SGCD: variants seen among roughly 807,000 people sequenced by gnomAD.
SGCD encodes delta-sarcoglycan.
A neutral mutation model predicts 36.6 loss-of-function variants in SGCD; 18 were observed. The ratio of observed to expected loss-of-function variants is 0.49; its 90% CI spans 0.34 to 0.73. The LOEUF is 0.73. Among genes scored for constraint, SGCD ranks in the 30% least tolerant of loss-of-function variants. SGCD has a pLI of 0.01. For synonymous variants in SGCD, 133 were observed against 130.6 expected, an observed-to-expected ratio of 1.02 and a Z score of -0.12; for missense variants, 387 against 346.7, an observed-to-expected ratio of 1.12 and a Z score of -0.92.
chr5:156,262,011 A>T (rs1158461150), intron 3 of SGCD, among the ~76,000 whole-genome samples: 1 of 152,218 alleles, frequency 6.6e-6, no homozygotes, highest in Non-Finnish European at 1.5e-5. Context: ...TTAAAAAATT[A>T]AAAAGTTTGT....
chr5:155,754,981 G>A, the SGCD span, among the ~76,000 whole-genome samples: 1 of 152,124 alleles, frequency 6.6e-6, no homozygotes, highest in Admixed American at 6.6e-5. Flanking sequence ...AAAGAAATGG[G>A]TGACGCACCC....
chr5:156,166,022 C>G (rs998468224), intron 3 of SGCD, among the ~76,000 whole-genome samples: 1 of 152,164 alleles, frequency 6.6e-6, no homozygotes, highest in South Asian at 2.1e-4. Flanking sequence ...AACTGTTCCT[C>G]TAGTATCTGC....
chr5:156,650,565 C>T (rs967475820), intron 7 of SGCD, among the ~76,000 whole-genome samples: 3 of 152,088 alleles, frequency 2.0e-5, no homozygotes, highest in Non-Finnish European at 4.4e-5. Context: ...TGCTCAGCTC[C>T]CACTTATTAG....
chr5:155,845,258 A>G, the SGCD span, among the ~76,000 whole-genome samples: 24 of 152,152 alleles, frequency 1.6e-4, no homozygotes, highest in Non-Finnish European at 3.2e-4. Flanking sequence ...TATAGTAATT[A>G]CTACCAAATT....
At chr5:156,504,451 T>C (rs1235525639) in intron 3 of SGCD, among the ~76,000 whole-genome samples, 1 of 148,972 alleles carries the variant, frequency 6.7e-6, no homozygotes, top group Non-Finnish European at 1.5e-5. Flanking sequence ...TATTAAACAG[T>C]TATTTTTCAG....
intron 4 of SGCD, among the ~76,000 whole-genome samples, chr5:156,546,516 C>T (rs545991423): frequency 2.0e-5 from 3 of 152,218 alleles, no homozygotes; most frequent in East Asian, 3.9e-4. Context: ...CTTATTTAAC[C>T]TCCATTGTGT....
At position 156,562,371 on chromosome 5, in the gene SGCD, A is replaced by G. The variant is rs181028243; in HGVS notation, c.295-26860A>G. The stretch of plus-strand genomic sequence containing the variant: ...AAGCACATGAAGGTGGTAAGGAGAT[A>G]ACAAAATGAGGGTATTTCCTGGAAG... On this transcript the variant is annotated intron_variant, in intron 4 of 8. Coordinates refer to ENST00000337851, the MANE Select transcript of SGCD (RefSeq NM_000337.6). Among the ~76,000 whole-genome samples, 1,210 of 152,238 alleles carry G rather than the reference A, an allele frequency of 7.9e-3. 15 individuals carry two copies. The highest frequency in any genetic ancestry group is 0.026 in the African/African-American group (1,066 of 41,530).
chr5:156,171,608 C>G (rs1169166911), intron 3 of SGCD, among the ~76,000 whole-genome samples: 1 of 152,070 alleles, frequency 6.6e-6, no homozygotes, highest in African/African-American at 2.4e-5. Context: ...TTTCTGTTTC[C>G]TTAAATGTAA....
intron 3 of SGCD, among the ~76,000 whole-genome samples, chr5:156,242,033 G>A (rs552948029): frequency 6.6e-6 from 1 of 152,144 alleles, no homozygotes; most frequent in Admixed American, 6.6e-5. Context: ...AATAAAGTAG[G>A]GGGTTCATAC....
rs1158844774 is a variant in SGCD at position 156,448,731 on chromosome 5, C to CTTTT, written c.193-59845_193-59842dup. On this transcript the variant is annotated intron_variant, in intron 3 of 8. Transcript: ENST00000337851. ...GTGGGAGAAGTTTCTTTTTCTTTTTCTTTTTTTTTTTTTTTTTTTTTTTTT... is the reference window on the plus strand; with the variant it reads ...GTGGGAGAAGTTTCTTTTTCTTTTTCTTTTTTTTTTTTTTTTTTTTTTTTTTTTT... 9.5e-4 allele frequency among the ~76,000 whole-genome samples: 72 copies of CTTTT among 76,052 alleles called. 1 individual carries two copies. Among genetic ancestry groups the CTTTT allele is most frequent in the African/African-American group, 2.4e-3 (39 of 16,392 alleles). The allele number at this position is 76,052 out of a possible 152,430, so 49.9% of individuals were successfully genotyped here.
At chr5:156,007,404 A>G (rs1758779254) in intron 1 of SGCD, among the ~76,000 whole-genome samples, 1 of 152,216 alleles carries the variant, frequency 6.6e-6, no homozygotes, top group Admixed American at 6.5e-5. Context: ...GAAGAAAAAC[A>G]TTTCATCTTT....
In SGCD at chr5:155,964,480, A is replaced by G. The variant is rs892246458; in HGVS notation, c.-282+94056A>G. 1.9e-4 allele frequency among the ~76,000 whole-genome samples: 29 copies of G among 151,988 alleles called. 1 individual carries two copies. The highest frequency in any genetic ancestry group is 1.5e-5 in the Non-Finnish European group (1 of 67,964). ...CAGCCTCCCGAATAGGTGGGATTACAGGCACCCACCACCTTGCCTGGCTAA... is the reference window on the plus strand; with the variant it reads ...CAGCCTCCCGAATAGGTGGGATTACGGGCACCCACCACCTTGCCTGGCTAA... On this transcript the variant is annotated intron_variant, in intron 1 of 9. Coordinates refer to the SGCD transcript ENST00000517913.
At chr5:156,285,986 G>C (rs758662836) in intron 3 of SGCD, among the ~76,000 whole-genome samples, 1 of 151,648 alleles carries the variant, frequency 6.6e-6, no homozygotes, top group Non-Finnish European at 1.5e-5. Context: ...AGAAAAAAAC[G>C]AACAACCCTA....
intron 1 of SGCD, among the ~76,000 whole-genome samples, chr5:155,961,300 T>A (rs991384485): frequency 6.6e-6 from 1 of 152,146 alleles, no homozygotes; most frequent in Non-Finnish European, 1.5e-5. Context: ...ATATTTTATT[T>A]TAATTTTTGA....
chr5:156,005,527 T>A (rs1338447174), intron 1 of SGCD, among the ~76,000 whole-genome samples: 1 of 152,082 alleles, frequency 6.6e-6, no homozygotes, highest in Non-Finnish European at 1.5e-5. Flanking sequence ...CTTGGCTCAC[T>A]GCAAGCTCCA....
chr5:156,071,400 T>C (rs993101086), intron 1 of SGCD, among the ~76,000 whole-genome samples: 3 of 152,242 alleles, frequency 2.0e-5, no homozygotes, highest in East Asian at 1.9e-4. Context: ...CCAGTAGTCA[T>C]TCAGGAGCAG....
intron 4 of SGCD, among the ~76,000 whole-genome samples, chr5:156,534,911 A>G (rs1389044112): frequency 1.3e-5 from 2 of 152,206 alleles, no homozygotes; most frequent in African/African-American, 4.8e-5. Context: ...TGAGAAAAGT[A>G]TCAATGGATT....
intron 3 of SGCD, among the ~76,000 whole-genome samples, chr5:156,453,620 G>A (rs1754122515): frequency 6.6e-6 from 1 of 152,118 alleles, no homozygotes; most frequent in Admixed American, 6.6e-5. Context: ...ATTGGGAAGG[G>A]CGGTACTCTC....
intron 1 of SGCD, among the ~76,000 whole-genome samples, chr5:156,095,105 T>C (rs973964882): frequency 2.0e-5 from 3 of 152,238 alleles, no homozygotes; most frequent in Non-Finnish European, 4.4e-5. Context: ...CTTGGTGCTC[T>C]GCCTTTGTTC....
Sources: gnomAD v4.1 joint callset for allele counts (sites outside exome capture counted in the v4.1 genomes callset) on GRCh38, gnomAD v4.1.1 for gene constraint, MANE v1.5 for transcripts, NCBI Gene and HGNC (gene_info 2026-07-23, HGNC 2026-07-21) for gene names.